The following DPCD variants were observed in gnomAD, a reference collection of about 807,000 sequenced individuals.
The protein encoded by DPCD is deleted in primary ciliary dyskinesia homolog (mouse).
A neutral mutation model predicts 26.4 loss-of-function variants in DPCD; 20 were observed. The observed-to-expected ratio is 0.76, with a 90% CI of 0.53 to 1.10. The LOEUF is 1.10. Among genes scored for constraint, DPCD ranks in the 50% least tolerant of loss-of-function variants. The probability of loss-of-function intolerance (pLI) is 0.00; values close to 1 mark genes in which losing one functional copy is unlikely to be tolerated. For missense variants in DPCD, 202 were observed against 253.9 expected, an observed-to-expected ratio of 0.80 and a Z score of 1.39; for synonymous variants, 97 against 94.2, an observed-to-expected ratio of 1.03 and a Z score of -0.17.
Position 101,588,420 on chromosome 10 carries a change from G to T in DPCD, c.64+20G>T. 1 of 1,576,214 alleles carries T rather than the reference G, an allele frequency of 6.3e-7. No individual in the cohort carries two copies. The highest frequency in any genetic ancestry group is 8.6e-7 in the Non-Finnish European group (1 of 1,159,712). On this transcript the variant is annotated intron_variant, in intron 1 of 5. Transcript: ENST00000370151. ...AGGACGGTAACTCGAGGGTCCCCAC[G>T]GGCTCCTTCGTTTTTTTCCCTCAGG...
intron 4 of DPCD, among the ~76,000 whole-genome samples, chr10:101,608,137 G>A (rs2134784454): frequency 6.6e-6 from 1 of 152,022 alleles, no homozygotes; most frequent in African/African-American, 2.4e-5. Context: ...ATTAATCGCT[G>A]AACCGGCACC....
intron 4 of DPCD, among the ~76,000 whole-genome samples, chr10:101,607,101 G>C (rs577821762): frequency 6.6e-6 from 1 of 152,000 alleles, no homozygotes; most frequent in Non-Finnish European, 1.5e-5. Flanking sequence ...TTCATTTTCC[G>C]GTCCCACTGC....
intron 4 of DPCD, among the ~76,000 whole-genome samples, chr10:101,608,093 T>A (rs1299157993): frequency 6.6e-6 from 1 of 152,054 alleles, no homozygotes; most frequent in African/African-American, 2.4e-5. Flanking sequence ...GGTGTTGCCA[T>A]CTGTTCTATT....
chr10:101,591,558 A>G (rs924812691), intron 1 of DPCD, among the ~76,000 whole-genome samples: 5 of 152,138 alleles, frequency 3.3e-5, no homozygotes, highest in African/African-American at 1.2e-4. Flanking sequence ...AATCATGGCT[A>G]TTGATATCTT....
At chr10:101,605,506 A>T (rs1051951993) in intron 4 of DPCD, among the ~76,000 whole-genome samples, 1 of 152,190 alleles carries the variant, frequency 6.6e-6, no homozygotes, top group Non-Finnish European at 1.5e-5. Flanking sequence ...CGAAGAAGGA[A>T]TGTGGAAACT....
chr10:101,591,719 T>C (rs2063609621), intron 1 of DPCD, among the ~76,000 whole-genome samples: 1 of 152,216 alleles, frequency 6.6e-6, no homozygotes, highest in East Asian at 1.9e-4. Context: ...TTCACTCTTG[T>C]TGCCCAAACT....
intron 4 of DPCD, chr10:101,605,247 C>T (rs1170837130): frequency 2.6e-6 from 4 of 1,547,570 alleles, no homozygotes; most frequent in East Asian, 4.9e-5. Context: ...TTGTCCACAG[C>T]AGCCCTGCTC....
chr10:101,601,425 C>T (rs1221570407), intron 4 of DPCD, 89 bp downstream of exon 4: 6 of 1,383,654 alleles, frequency 4.3e-6, no homozygotes, highest in South Asian at 3.6e-5. Context: ...TTATTCAGGC[C>T]GGTCCTGCAG....
At chr10:101,599,966 G>A (rs929052249) in intron 2 of DPCD, among the ~76,000 whole-genome samples, 1 of 152,214 alleles carries the variant, frequency 6.6e-6, no homozygotes, top group Non-Finnish European at 1.5e-5. Context: ...GGGGTTTTCA[G>A]GTAGTCCATT....
At chr10:101,596,341 T>C (rs2063651716) in intron 2 of DPCD, among the ~76,000 whole-genome samples, 1 of 152,188 alleles carries the variant, frequency 6.6e-6, no homozygotes. Context: ...CTACGTGAAT[T>C]ACCTCATTTA....
Position 101,588,478 on chromosome 10 carries a change from G to A in DPCD, c.64+78G>A, listed in dbSNP as rs1464119763. ...CCTCCGGGAAGGGCCTCAGGGCCTG[G>A]GTCGGCAGAGCTGGAAGGGTCTCGG... On this transcript the variant is annotated intron_variant, in intron 1 of 5. Transcript: ENST00000370151. 6 of 1,536,964 alleles carry A rather than the reference G, an allele frequency of 3.9e-6. No homozygotes were observed. The South Asian group carries it at 6.0e-5, about 15-fold the overall frequency.
intron 4 of DPCD, among the ~76,000 whole-genome samples, chr10:101,606,990 C>T (rs2063737164): frequency 6.6e-6 from 1 of 152,174 alleles, no homozygotes; most frequent in Non-Finnish European, 1.5e-5. Context: ...GCCTCCATTC[C>T]TCTTGCCTGG....
intron 2 of DPCD, among the ~76,000 whole-genome samples, chr10:101,595,308 T>C (rs1042619679): frequency 2.0e-5 from 3 of 152,150 alleles, no homozygotes; most frequent in African/African-American, 4.8e-5. Context: ...GGCTCATGGG[T>C]AGGGGCTCCA....
intron 1 of DPCD, chr10:101,588,661 T>G: frequency 7.8e-7 from 1 of 1,289,080 alleles, no homozygotes; most frequent in Non-Finnish European, 9.8e-7. Flanking sequence ...TCTTTTACAT[T>G]CATTATCTCA....
chr10:101,601,453 T>C (rs745401184), intron 4 of DPCD, 117 bp downstream of exon 4: 1 of 707,974 alleles, frequency 1.4e-6, no homozygotes, highest in Non-Finnish European at 2.0e-6. Flanking sequence ...GCCCTTCTGC[T>C]TACAGGTATT....
intron 4 of DPCD, among the ~76,000 whole-genome samples, chr10:101,607,135 C>T (rs2063737999): frequency 6.6e-6 from 1 of 152,206 alleles, no homozygotes; most frequent in South Asian, 2.1e-4. Flanking sequence ...AATGGTTCTG[C>T]TGGGCTGCTT....
rs771096591 is a variant in DPCD at position 101,608,835 on chromosome 10, G to A, written c.405G>A (p.Lys135=). 3.1e-6 allele frequency: 5 copies of A among 1,611,654 alleles called. No homozygotes were observed. The East Asian group carries it at 1.1e-4, about 36-fold the overall frequency. The change falls in exon 5 of 6, where the codon AAG becomes AAA. Residue 135 remains lysine, a splice_region_variant and synonymous_variant. Transcript: ENST00000370151. ...CAATGGCCTCTCGGTGTCCCCACAG[G>A]TACTACAAGAAGTTCTCCATTCCTG... The part of the protein sequence containing the change: ...RCIIVRTTNK[K]YYKKFSIPDL...
At chr10:101,592,455 C>T (rs904596621) in intron 1 of DPCD, among the ~76,000 whole-genome samples, 5 of 152,146 alleles carry the variant, frequency 3.3e-5, no homozygotes, top group Non-Finnish European at 7.4e-5. Context: ...CGTGGTGGCT[C>T]ACACCTGTAT....
chr10:101,604,517 T>C, intron 4 of DPCD, among the ~76,000 whole-genome samples: 1 of 152,182 alleles, frequency 6.6e-6, no homozygotes, highest in Non-Finnish European at 1.5e-5. Flanking sequence ...TTGCAGTGTA[T>C]CATGTCCTTG....
Sources: allele counts gnomAD v4.1 joint callset (sites outside exome capture counted in the v4.1 genomes callset), GRCh38; gene constraint gnomAD v4.1.1; transcripts MANE v1.5; gene names NCBI Gene and HGNC (gene_info 2026-07-23, HGNC 2026-07-21).